CFAP92: variants seen among roughly 807,000 people sequenced by gnomAD.
The protein encoded by CFAP92 is uncharacterized protein CFAP92.
Under a neutral mutation model 106.3 loss-of-function variants are expected in CFAP92, and 86 were observed. The ratio of observed to expected loss-of-function variants is 0.81; its 90% CI spans 0.68 to 0.97. The LOEUF (loss-of-function observed/expected upper bound fraction) is 0.97. Among genes scored for constraint, CFAP92 ranks in the 50% least tolerant of loss-of-function variants. The pLI, the probability that CFAP92 is intolerant of heterozygous loss-of-function variation, is 0.00. For synonymous variants in CFAP92, 477 were observed against 506.4 expected (o/e 0.94, Z 0.78); for missense variants, 1,204 against 1,283.8 (o/e 0.94, Z 0.95).
At chr3:128,966,051 G>A (rs1432307542) in intron 8 of CFAP92, among the ~76,000 whole-genome samples, 1 of 152,182 alleles carries the variant, frequency 6.6e-6, no homozygotes, top group Non-Finnish European at 1.5e-5. Context: ...CTGGGGTGTG[G>A]CCTCCACAAT....
chr3:129,005,908 G>C (rs1341819491), upstream of CFAP92, among the ~76,000 whole-genome samples: 1 of 152,270 alleles, frequency 6.6e-6, no homozygotes, highest in Non-Finnish European at 1.5e-5. Context: ...TATCCAAGAG[G>C]AGAAATAAAG....
chr3:128,946,494 G>C (rs1231181804), intron 9 of CFAP92, among the ~76,000 whole-genome samples: 1 of 152,228 alleles, frequency 6.6e-6, no homozygotes, highest in Non-Finnish European at 1.5e-5. Context: ...GGGTGGAAAG[G>C]AAGAGCCAAG....
At chr3:128,955,531 G>A (rs1293800924) in intron 9 of CFAP92, among the ~76,000 whole-genome samples, 1 of 4,688 alleles carries the variant, frequency 2.1e-4, no homozygotes, top group East Asian at 0.013. Context: ...CCGGCCAGCC[G>A]CCCCATCCGG....
chr3:128,934,113 C>A (rs1167789327), intron 11 of CFAP92, among the ~76,000 whole-genome samples: 1 of 142,876 alleles, frequency 7.0e-6, no homozygotes, highest in Non-Finnish European at 1.5e-5. Flanking sequence ...CCGCTGGGTC[C>A]CAGGGTATCC....
the CFAP92 span, among the ~76,000 whole-genome samples, chr3:129,019,470 C>T: frequency 6.6e-6 from 1 of 152,208 alleles, no homozygotes; most frequent in Non-Finnish European, 1.5e-5. Flanking sequence ...TGTGAGACCG[C>T]AGCAGGACCC....
At chr3:128,924,500 A>C (rs1448545072) in intron 12 of CFAP92, among the ~76,000 whole-genome samples, 2 of 129,074 alleles carry the variant, frequency 1.5e-5, no homozygotes, top group African/African-American at 6.0e-5. Flanking sequence ...GCTGGAGTGC[A>C]ATGGCGCGAT....
At chr3:128,966,417 T>G (rs1315315323) in intron 8 of CFAP92, among the ~76,000 whole-genome samples, 1 of 152,192 alleles carries the variant, frequency 6.6e-6, no homozygotes, top group African/African-American at 2.4e-5. Flanking sequence ...CAGATACTGA[T>G]GTAGAACACA....
chr3:128,912,556 C>T lies in CFAP92; in HGVS notation c.3281-2223G>A, dbSNP rs753815507. On this transcript the variant is annotated intron_variant, in intron 15 of 15. Coordinates refer to ENST00000645291, the MANE Select transcript of CFAP92 (RefSeq NM_001394090.1). ...AGATTAAGAAAGTGTCCCAGCAGATCCTTGAGAAGCGAGCCTATATCTGTG... is the reference window on the plus strand; with the variant it reads ...AGATTAAGAAAGTGTCCCAGCAGATTCTTGAGAAGCGAGCCTATATCTGTG... 2.5e-6 allele frequency: 4 copies of T among 1,614,220 alleles called. No homozygotes were observed. Among genetic ancestry groups the T allele is most frequent in the Admixed American group, 1.7e-5 (1 of 60,030 alleles).
intron 1 of CFAP92, chr3:129,002,122 C>G (rs1375064717): frequency 6.8e-7 from 1 of 1,477,494 alleles, no homozygotes; most frequent in South Asian, 1.3e-5. Context: ...CCCCGCGGCG[C>G]TCTCAGCGAG....
At chr3:128,958,459 T>C (rs951570429) in intron 9 of CFAP92, among the ~76,000 whole-genome samples, 2 of 152,224 alleles carry the variant, frequency 1.3e-5, no homozygotes, top group African/African-American at 4.8e-5. Flanking sequence ...TATTGTGCTA[T>C]AGTTATGAAA....
chr3:128,937,802 T>C (rs531933309), intron 10 of CFAP92, among the ~76,000 whole-genome samples: 2 of 152,206 alleles, frequency 1.3e-5, no homozygotes, highest in South Asian at 4.1e-4. Flanking sequence ...GGCTCACACC[T>C]GTAATCCCAG....
At chr3:128,921,086 A>G (rs1352372322) in intron 12 of CFAP92, among the ~76,000 whole-genome samples, 1 of 152,148 alleles carries the variant, frequency 6.6e-6, no homozygotes, top group Non-Finnish European at 1.5e-5. Context: ...CACAGCCTCC[A>G]TACTAGTGTT....
chr3:128,928,777 A>G (rs1937993893), intron 12 of CFAP92, among the ~76,000 whole-genome samples: 1 of 149,852 alleles, frequency 6.7e-6, no homozygotes, highest in Admixed American at 6.6e-5. Context: ...TAACAGAAAA[A>G]ACATAAATTG....
intron 9 of CFAP92, among the ~76,000 whole-genome samples, chr3:128,960,170 C>G (rs537413231): frequency 1.3e-5 from 2 of 152,324 alleles, no homozygotes; most frequent in South Asian, 4.1e-4. Flanking sequence ...GGACTCAGCC[C>G]GCCTGCACCC....
intron 1 of CFAP92, chr3:129,002,315 A>G: frequency 2.6e-6 from 4 of 1,522,300 alleles, no homozygotes; most frequent in Non-Finnish European, 2.6e-6. Flanking sequence ...CGCGCTGCCT[A>G]GCACTGCAGG....
At chr3:128,976,614 G>GA in intron 6 of CFAP92, among the ~76,000 whole-genome samples, 1 of 152,250 alleles carries the variant, frequency 6.6e-6, no homozygotes, top group Non-Finnish European at 1.5e-5. Flanking sequence ...CCTCATGCAG[G>GA]ATGGCTGGAG....
intron 9 of CFAP92, among the ~76,000 whole-genome samples, chr3:128,958,525 T>A (rs1372971742): frequency 6.6e-6 from 1 of 152,216 alleles, no homozygotes; most frequent in Non-Finnish European, 1.5e-5. Flanking sequence ...CTGTACTGTC[T>A]TTGCAACTTT....
intron 9 of CFAP92, among the ~76,000 whole-genome samples, chr3:128,957,804 C>A (rs1055187224): frequency 6.7e-6 from 1 of 149,140 alleles, no homozygotes; most frequent in Non-Finnish European, 1.5e-5. Flanking sequence ...TATATAACCA[C>A]ACCAGTTTCC....
chr3:128,953,166 T>A (rs1159926630), intron 9 of CFAP92, among the ~76,000 whole-genome samples: 5 of 152,090 alleles, frequency 3.3e-5, no homozygotes, highest in Non-Finnish European at 5.9e-5. Flanking sequence ...CAATGCAGAA[T>A]GGAATGTACA....
Sources: allele counts gnomAD v4.1 joint callset (sites outside exome capture counted in the v4.1 genomes callset), GRCh38; gene constraint gnomAD v4.1.1; transcripts MANE v1.5; gene names NCBI Gene and HGNC (gene_info 2026-07-23, HGNC 2026-07-21).